The following SLC25A16 variants were observed in gnomAD, a reference collection of about 807,000 sequenced individuals.
SLC25A16 encodes mitochondrial coenzyme A transporter SLC25A16.
Under a neutral mutation model 41.5 loss-of-function variants are expected in SLC25A16, and 39 were observed. That is an observed-to-expected ratio of 0.94 (90% CI 0.73 to 1.23). The LOEUF (loss-of-function observed/expected upper bound fraction) is 1.23, where lower values mean the gene tolerates loss of function less well. Among genes scored for constraint, SLC25A16 ranks in the 50% most tolerant of loss-of-function variants. The pLI is 0.00. For missense variants in SLC25A16, 421 were observed against 426.9 expected (o/e 0.99, Z 0.12); for synonymous variants, 146 against 147.8 (o/e 0.99, Z 0.09).
chr10:68,501,957 G>A (rs1466220301), intron 4 of SLC25A16, among the ~76,000 whole-genome samples: 2 of 152,110 alleles, frequency 1.3e-5, no homozygotes, highest in Admixed American at 1.3e-4. Flanking sequence ...CTACATTTTG[G>A]GAGGCCAAGG....
intron 6 of SLC25A16, among the ~76,000 whole-genome samples, chr10:68,492,698 A>C (rs896008448): frequency 7.9e-5 from 12 of 152,192 alleles, no homozygotes; most frequent in African/African-American, 2.9e-4. Context: ...ACAAAAAAAA[A>C]CAGGACTGTA....
At chr10:68,498,765 T>C (rs2052793188) in intron 4 of SLC25A16, among the ~76,000 whole-genome samples, 1 of 152,188 alleles carries the variant, frequency 6.6e-6, no homozygotes, top group African/African-American at 2.4e-5. Flanking sequence ...CAAAGTACAG[T>C]GAGCACGTGG....
At chr10:68,502,178 C>T (rs1018642320) in intron 4 of SLC25A16, among the ~76,000 whole-genome samples, 1 of 151,758 alleles carries the variant, frequency 6.6e-6, no homozygotes, top group Admixed American at 6.6e-5. Flanking sequence ...CGTGCCACTG[C>T]ACTCCAGCCT....
intron 6 of SLC25A16, among the ~76,000 whole-genome samples, chr10:68,492,921 G>C (rs1261698020): frequency 1.3e-5 from 2 of 150,986 alleles, no homozygotes; most frequent in African/African-American, 2.4e-5. Context: ...AGCTGGCTCA[G>C]ATATTAAGAA....
intron 1 of SLC25A16, among the ~76,000 whole-genome samples, chr10:68,520,491 C>G (rs2053232404): frequency 6.6e-6 from 1 of 151,866 alleles, no homozygotes; most frequent in Non-Finnish European, 1.5e-5. Flanking sequence ...GCCTGGCCAA[C>G]TTGGTGAAAC....
chr10:68,487,197 C>G lies in SLC25A16; in HGVS notation c.789G>C (p.Val263=). ...IAQTISYPFD[V]TRRRMQLGTV... is the part of the protein sequence containing the mutation. ...TTCCTAATTGCATTCGCCGACGAGT[C>G]ACATCAAATGGGTAGCTAAAAGAAG... The change falls in exon 8 of 9, where the codon GTG becomes GTC. Residue 263 remains valine (V), a synonymous_variant. Transcript: ENST00000609923. The G allele has an allele frequency of 6.2e-7, 1 of 1,613,458 alleles. No homozygotes were observed. The highest frequency in any genetic ancestry group is 8.5e-7 in the Non-Finnish European group (1 of 1,179,774).
At chr10:68,513,928 G>A (rs1217222745) in intron 2 of SLC25A16, among the ~76,000 whole-genome samples, 3 of 152,126 alleles carry the variant, frequency 2.0e-5, no homozygotes, top group African/African-American at 7.2e-5. Flanking sequence ...CGGGAGCAGT[G>A]GCTCATGCCT....
At chr10:68,509,947 C>A (rs1021261976) in intron 2 of SLC25A16, among the ~76,000 whole-genome samples, 1 of 151,756 alleles carries the variant, frequency 6.6e-6, no homozygotes, top group Non-Finnish European at 1.5e-5. Flanking sequence ...CATGGTGGCA[C>A]ATGCCCGTAA....
Position 68,516,828 on chromosome 10 carries a change from C to T in SLC25A16, c.146G>A (p.Cys49Tyr), listed in dbSNP as rs375039677. 1 of 1,612,870 alleles carries T rather than the reference C, an allele frequency of 6.2e-7. No individual in the cohort carries two copies. Among genetic ancestry groups the T allele is most frequent in the Non-Finnish European group, 8.5e-7 (1 of 1,179,460 alleles). ...CAATGGAGCAACTGTTGTTTTGGCACAGCATCCAGCAATACCTAAAAATTT... is the reference window on the plus strand; with the variant it reads ...CAATGGAGCAACTGTTGTTTTGGCATAGCATCCAGCAATACCTAAAAATTT... ...SFLAGGIAGCCAKTTVAPLDR... is the reference protein window; with the variant it reads ...SFLAGGIAGCYAKTTVAPLDR... The change falls in exon 2 of 9, where the codon TGT (cysteine) becomes TAT (tyrosine). Residue 49 changes from cysteine (C) to tyrosine (Y), a missense_variant. By Grantham distance (194) the Cys-to-Tyr change is radical. Coordinates refer to ENST00000609923, the MANE Select transcript of SLC25A16 (RefSeq NM_152707.4).
At chr10:68,502,108 T>C (rs1378619927) in intron 4 of SLC25A16, among the ~76,000 whole-genome samples, 3 of 93,128 alleles carry the variant, frequency 3.2e-5, no homozygotes, top group Non-Finnish European at 5.2e-5. Flanking sequence ...GGCAGGAGGA[T>C]TGCTTGAACC....
chr10:68,488,120 G>A (rs981409799), intron 7 of SLC25A16, among the ~76,000 whole-genome samples: 1 of 152,060 alleles, frequency 6.6e-6, no homozygotes, highest in Non-Finnish European at 1.5e-5. Flanking sequence ...AAACTGCTGG[G>A]ATTACAGACG....
In SLC25A16 at chr10:68,498,426, G is replaced by A. The variant is rs939692634; in HGVS notation, c.422-4856C>T. ...TTTGGAAGGCCAGGCGCAGTGGCAC[G>A]TGTCTGTAGTCCTAGCTACTTGGGA... On this transcript the variant is annotated intron_variant, in intron 4 of 8. Coordinates refer to ENST00000609923, the MANE Select transcript of SLC25A16 (RefSeq NM_152707.4). Among the ~76,000 whole-genome samples the A allele has an allele frequency of 5.9e-5, 9 of 151,430 alleles. No homozygotes were observed. In the South Asian group the frequency reaches 6.2e-4, roughly 10 times the overall value.
chr10:68,522,241 G>GT (rs2053262507), intron 1 of SLC25A16, among the ~76,000 whole-genome samples: 1 of 152,016 alleles, frequency 6.6e-6, no homozygotes. Flanking sequence ...ATGCATTAAG[G>GT]TAAGTGATGG....
chr10:68,487,141 T>C lies in SLC25A16; in HGVS notation c.842+3A>G. The C allele has an allele frequency of 6.2e-7, 1 of 1,610,266 alleles. No individual in the cohort carries two copies. The highest frequency in any genetic ancestry group is 8.5e-7 in the Non-Finnish European group (1 of 1,176,810). The stretch of plus-strand genomic sequence containing the variant: ...AATGAACAATGACATATGATGAACT[T>C]ACAGGCACTTTTCAAATTCCGGCAG... On this transcript the variant is annotated splice_donor_region_variant and intron_variant, in intron 8 of 8. Transcript: ENST00000609923.
chr10:68,506,443 A>C (rs948489386), intron 3 of SLC25A16, 142 bp downstream of exon 3: 9 of 614,060 alleles, frequency 1.5e-5, no homozygotes, highest in Admixed American at 4.4e-5. Context: ...ACTCTGTCTC[A>C]AAAATTAAAA....
chr10:68,508,667 G>A lies in SLC25A16; in HGVS notation c.224-1949C>T, dbSNP rs140806921. On this transcript the variant is annotated intron_variant, in intron 2 of 8. Coordinates refer to ENST00000609923, the MANE Select transcript of SLC25A16 (RefSeq NM_152707.4). The stretch of plus-strand genomic sequence containing the variant: ...CGGGAGGCGGAGGTTGCAGTGAGCC[G>A]AGATTGTGCCATTGTACTCCAGCTT... 6.6e-3 allele frequency among the ~76,000 whole-genome samples: 995 copies of A among 151,792 alleles called. 12 individuals carry two copies. The highest frequency in any genetic ancestry group is 0.023 in the African/African-American group (947 of 41,376).
chr10:68,496,855 G>T, intron 4 of SLC25A16: 1 of 217,136 alleles, frequency 4.6e-6, no homozygotes, highest in Non-Finnish European at 7.8e-6. Flanking sequence ...CTGTCACCCA[G>T]GCTGGAATGC....
intron 4 of SLC25A16, among the ~76,000 whole-genome samples, chr10:68,493,959 T>C (rs2052705897): frequency 6.6e-6 from 1 of 152,196 alleles, no homozygotes; most frequent in South Asian, 2.1e-4. Flanking sequence ...GAAGCAACCA[T>C]GGACGGAAAA....
At chr10:68,505,799 C>T (rs2052942535) in intron 3 of SLC25A16, among the ~76,000 whole-genome samples, 1 of 152,050 alleles carries the variant, frequency 6.6e-6, no homozygotes, top group South Asian at 2.1e-4. Context: ...TTTTGGGAGA[C>T]GGAGGCGGGT....
Sources: allele counts gnomAD v4.1 joint callset (sites outside exome capture counted in the v4.1 genomes callset), GRCh38; gene constraint gnomAD v4.1.1; transcripts MANE v1.5; gene names NCBI Gene and HGNC (gene_info 2026-07-23, HGNC 2026-07-21).